The following MAGI2 variants were observed in gnomAD, a reference collection of about 807,000 sequenced individuals.
MAGI2 encodes the protein membrane associated guanylate kinase, WW and PDZ domain containing 2.
In MAGI2, 35 loss-of-function variants were observed where a neutral mutation model predicts 133.3. The ratio of observed to expected loss-of-function variants is 0.26; its 90% CI spans 0.20 to 0.35. MAGI2 has a LOEUF of 0.35. MAGI2 is among the 10% of genes least tolerant of loss of function. MAGI2 has a pLI of 1.00. For synonymous variants in MAGI2, 729 were observed against 710.6 expected (o/e 1.03, Z -0.41); for missense variants, 1,636 against 1,863.4 (o/e 0.88, Z 2.25).
chr7:78,247,476 A>C (rs997723438), intron 10 of MAGI2, among the ~76,000 whole-genome samples: 4 of 152,260 alleles, frequency 2.6e-5, no homozygotes, highest in African/African-American at 9.6e-5. Flanking sequence ...TTGTCTGAAA[A>C]GGAATTAAAA....
intron 6 of MAGI2, among the ~76,000 whole-genome samples, chr7:78,425,380 G>A (rs1584043138): frequency 6.6e-6 from 1 of 152,134 alleles, no homozygotes; most frequent in African/African-American, 2.4e-5. Flanking sequence ...AGTCTTGGGT[G>A]TGTCTTTATC....
At chr7:78,451,592 G>A (rs940904207) in intron 6 of MAGI2, among the ~76,000 whole-genome samples, 3 of 151,990 alleles carry the variant, frequency 2.0e-5, no homozygotes, top group Admixed American at 6.6e-5. Context: ...GGAATCTTGG[G>A]CATGTTATAG....
chr7:79,445,373 T>C (rs7778407), intron 1 of MAGI2, among the ~76,000 whole-genome samples: 3,092 of 152,164 alleles, frequency 0.02, 119 homozygotes, highest in African/African-American at 0.07. Flanking sequence ...TCAGAGTGAA[T>C]AGGCAACCTA....
chr7:78,818,186 G>A (rs1348151915), intron 2 of MAGI2, among the ~76,000 whole-genome samples: 1 of 152,144 alleles, frequency 6.6e-6, no homozygotes, highest in African/African-American at 2.4e-5. Context: ...GTGAAGCTTT[G>A]TATTTGAAGT....
chr7:78,871,243 G>A (rs553213700), intron 2 of MAGI2, among the ~76,000 whole-genome samples: 2 of 152,246 alleles, frequency 1.3e-5, no homozygotes, highest in East Asian at 3.9e-4. Flanking sequence ...CCCAGGAGGC[G>A]AAGCTTGCCG....
chr7:78,464,496 G>A (rs986270325), intron 6 of MAGI2, among the ~76,000 whole-genome samples: 1 of 151,978 alleles, frequency 6.6e-6, no homozygotes, highest in Non-Finnish European at 1.5e-5. Context: ...TTCTTCCTGA[G>A]TTTCTCATTC....
chr7:78,611,106 A>G (rs1369376086), intron 3 of MAGI2, among the ~76,000 whole-genome samples: 1 of 152,192 alleles, frequency 6.6e-6, no homozygotes, highest in Non-Finnish European at 1.5e-5. Context: ...GCAAAGTATC[A>G]AGTCTGGTGT....
Position 79,453,305 on chromosome 7 carries a change from T to C in MAGI2, c.16A>G (p.Lys6Glu). Reference protein sequence around the residue: MSKSLKKKSHWTSKVH... With the variant: MSKSLEKKSHWTSKVH... ...TTGCTAGTCCAGTGGCTTTTCTTTT[T>C]CAAGCTTTTGGACATGGCAGTGGGG... Residue 6 changes from lysine to glutamate, a missense_variant, in exon 1 of 22, where the codon AAA (lysine) becomes GAA (glutamate). Transcript: ENST00000354212. 6.2e-7 allele frequency: 1 copy of C among 1,611,404 alleles called. No homozygotes were observed. Among genetic ancestry groups the C allele is most frequent in the East Asian group, 2.2e-5 (1 of 44,814 alleles).
At chr7:79,072,951 C>G (rs1358876770) in intron 1 of MAGI2, among the ~76,000 whole-genome samples, 2 of 152,146 alleles carry the variant, frequency 1.3e-5, no homozygotes, top group South Asian at 4.2e-4. Flanking sequence ...AATTTGATCC[C>G]TAAATCACAG....
chr7:79,447,097 A>G (rs1040045953), intron 1 of MAGI2, among the ~76,000 whole-genome samples: 1 of 152,214 alleles, frequency 6.6e-6, no homozygotes, highest in Non-Finnish European at 1.5e-5. Context: ...TAAACTTAAC[A>G]CAAATTTTAA....
At chr7:78,770,222 T>TA (rs942813857) in intron 2 of MAGI2, among the ~76,000 whole-genome samples, 1 of 152,196 alleles carries the variant, frequency 6.6e-6, no homozygotes, top group African/African-American at 2.4e-5. Flanking sequence ...CCACTGGTTG[T>TA]AAAAAAGGCT....
intron 16 of MAGI2, among the ~76,000 whole-genome samples, chr7:78,149,444 A>G (rs1823647912): frequency 6.6e-6 from 1 of 152,194 alleles, no homozygotes; most frequent in South Asian, 2.1e-4. Context: ...GATCATACAC[A>G]TCGATTAAAG....
chr7:79,030,437 T>C (rs1022757618), intron 1 of MAGI2: 3 of 152,074 alleles, frequency 2.0e-5, no homozygotes, highest in African/African-American at 7.2e-5. Flanking sequence ...GACAAGGAGG[T>C]ATTTTGCTTC....
chr7:78,407,999 T>C (rs1797541181), intron 6 of MAGI2, among the ~76,000 whole-genome samples: 1 of 152,094 alleles, frequency 6.6e-6, no homozygotes, highest in Non-Finnish European at 1.5e-5. Flanking sequence ...GAACCTGACA[T>C]AGAAGGGATA....
intron 17 of MAGI2, chr7:78,134,742 G>T: frequency 3.3e-6 from 1 of 300,676 alleles, no homozygotes. Context: ...GGCCCACAGG[G>T]AATGATTGAA....
chr7:78,515,846 C>T (rs1795994306), intron 4 of MAGI2, among the ~76,000 whole-genome samples: 1 of 151,956 alleles, frequency 6.6e-6, no homozygotes, highest in African/African-American at 2.4e-5. Flanking sequence ...TTTTGGTGAA[C>T]CGAGATCACA....
intron 5 of MAGI2, among the ~76,000 whole-genome samples, chr7:78,493,140 G>T (rs890795156): frequency 2.0e-5 from 3 of 152,162 alleles, no homozygotes; most frequent in South Asian, 2.1e-4. Flanking sequence ...TAAGCCAGAA[G>T]TGAAATTTCA....
Position 78,389,212 on chromosome 7 carries a change from T to C in MAGI2, c.1046-19999A>G, listed in dbSNP as rs199702701. On this transcript the variant is annotated intron_variant, in intron 6 of 21. Transcript: ENST00000354212. ...GTTCTAAAACTGCTGTGATTTATGG[T>C]TCTGCAGTGAGAAGCGAGAGTTGAA... Among the ~76,000 whole-genome samples, 10 of 152,166 alleles carry C rather than the reference T, an allele frequency of 6.6e-5. No individual in the cohort carries two copies. In the East Asian group the frequency reaches 1.9e-3, roughly 29 times the overall value.
At chr7:78,887,068 G>C (rs1308776452) in intron 2 of MAGI2, among the ~76,000 whole-genome samples, 3 of 152,066 alleles carry the variant, frequency 2.0e-5, no homozygotes, top group African/African-American at 7.2e-5. Context: ...GTTTCGTGAG[G>C]CCTCCCCAGC....
Sources: allele counts gnomAD v4.1 joint callset (sites outside exome capture counted in the v4.1 genomes callset), GRCh38; gene constraint gnomAD v4.1.1; transcripts MANE v1.5; gene names NCBI Gene and HGNC (gene_info 2026-07-23, HGNC 2026-07-21).